Variants in ME3 observed in about 807,000 individuals in gnomAD.
ME3 encodes malic enzyme 3.
In ME3, 48 loss-of-function variants were observed where a neutral mutation model predicts 68.9. The observed-to-expected ratio is 0.70, with a 90% confidence interval of 0.55 to 0.89. ME3 has a LOEUF of 0.89. Ranked by LOEUF, ME3 falls within the 40% of genes least tolerant of loss-of-function variation. The probability of loss-of-function intolerance (pLI) is 0.00; values close to 1 mark genes in which losing one functional copy is unlikely to be tolerated. For missense variants in ME3, 675 were observed against 797.4 expected, an observed-to-expected ratio of 0.85 and a Z score of 1.85; for synonymous variants, 320 against 318.8, an observed-to-expected ratio of 1.00 and a Z score of -0.04.
chr11:86,617,382 G>A (rs759465877), intron 2 of ME3, among the ~76,000 whole-genome samples: 1 of 151,924 alleles, frequency 6.6e-6, no homozygotes, highest in Non-Finnish European at 1.5e-5. Context: ...ACTAAGTCTC[G>A]TTTAAAAGTT....
chr11:86,671,094 G>C (rs1343375594), intron 2 of ME3, among the ~76,000 whole-genome samples: 3 of 152,188 alleles, frequency 2.0e-5, no homozygotes, highest in Non-Finnish European at 4.4e-5. Context: ...CAAAGCATTG[G>C]AGATCTGGAT....
chr11:86,591,262 G>C (rs1260162473), intron 2 of ME3, among the ~76,000 whole-genome samples: 1 of 152,170 alleles, frequency 6.6e-6, no homozygotes, highest in African/African-American at 2.4e-5. Flanking sequence ...GCTTTATCTG[G>C]ATTTTCCACA....
At chr11:86,449,319 A>G (rs1430891675) in intron 10 of ME3, among the ~76,000 whole-genome samples, 1 of 152,240 alleles carries the variant, frequency 6.6e-6, no homozygotes, top group Non-Finnish European at 1.5e-5. Context: ...GCTTTCATTC[A>G]TGCCTCACAC....
intron 2 of ME3, among the ~76,000 whole-genome samples, chr11:86,656,192 G>A (rs1163639702): frequency 4.6e-5 from 7 of 151,406 alleles, no homozygotes; most frequent in African/African-American, 1.5e-4. Context: ...TCAGTGTGGC[G>A]ATTCCTCAGG....
chr11:86,533,726 T>C (rs1484943669), intron 4 of ME3, among the ~76,000 whole-genome samples: 1 of 152,142 alleles, frequency 6.6e-6, no homozygotes, highest in East Asian at 1.9e-4. Flanking sequence ...TGAACACAGA[T>C]ATAAAAATCT....
At chr11:86,511,427 A>G (rs1953517878) in intron 4 of ME3, among the ~76,000 whole-genome samples, 1 of 151,832 alleles carries the variant, frequency 6.6e-6, no homozygotes, top group Non-Finnish European at 1.5e-5. Flanking sequence ...CTACTTTGAA[A>G]CCGCCTTTGC....
At chr11:86,450,311 C>T (rs745883399) in exon 9 of ME3, 2 of 1,614,182 alleles carry the variant, frequency 1.2e-6, no homozygotes, top group Admixed American at 1.7e-5. Flanking sequence ...CTCGCCTGCA[C>T]CTTGGAAAAC....
intron 2 of ME3, among the ~76,000 whole-genome samples, chr11:86,563,949 T>C (rs892047872): frequency 6.6e-6 from 1 of 152,172 alleles, no homozygotes; most frequent in Non-Finnish European, 1.5e-5. Flanking sequence ...TGCTTCCACA[T>C]GGATTTTAGA....
intron 7 of ME3, among the ~76,000 whole-genome samples, chr11:86,469,601 C>T (rs1950673736): frequency 6.6e-6 from 1 of 152,226 alleles, no homozygotes; most frequent in Admixed American, 6.5e-5. Flanking sequence ...TTCTGCTTAT[C>T]TGTCCCCTTT....
At chr11:86,548,877 C>G (rs1166234202) in intron 4 of ME3, among the ~76,000 whole-genome samples, 2 of 152,216 alleles carry the variant, frequency 1.3e-5, no homozygotes, top group Non-Finnish European at 2.9e-5. Flanking sequence ...GAAATGTCTT[C>G]TACTCCTGCC....
intron 2 of ME3, among the ~76,000 whole-genome samples, chr11:86,596,805 G>C (rs1959551650): frequency 6.6e-6 from 1 of 152,102 alleles, no homozygotes; most frequent in Non-Finnish European, 1.5e-5. Context: ...ATATCACTTG[G>C]CTTCCCTTCT....
At chr11:86,460,046 C>T (rs929753655) in intron 8 of ME3, among the ~76,000 whole-genome samples, 8 of 152,244 alleles carry the variant, frequency 5.3e-5, no homozygotes, top group African/African-American at 1.9e-4. Context: ...CCCCTGTCCC[C>T]AGTGTGACCA....
At chr11:86,525,830 C>A (rs1347282333) in intron 4 of ME3, among the ~76,000 whole-genome samples, 2 of 148,362 alleles carry the variant, frequency 1.3e-5, no homozygotes, top group Admixed American at 6.7e-5. Context: ...CCATTGCACT[C>A]CAGCCTGGGC....
chr11:86,441,529 C>A, intron 14 of ME3, 89 bp from the exon 15 acceptor site: 1 of 1,286,482 alleles, frequency 7.8e-7, no homozygotes, highest in Non-Finnish European at 1.1e-6. Context: ...GAGGGGAATA[C>A]ACCTTAAGGA....
At chr11:86,453,575 A>T (rs967371451) in intron 8 of ME3, among the ~76,000 whole-genome samples, 1 of 152,198 alleles carries the variant, frequency 6.6e-6, no homozygotes, top group African/African-American at 2.4e-5. Context: ...TGCAAGGTAA[A>T]ATGTAGGACA....
intron 5 of ME3, among the ~76,000 whole-genome samples, chr11:86,507,782 G>A (rs653779): frequency 0.91 from 138,567 of 152,182 alleles, 63,289 homozygotes; most frequent in Non-Finnish European, 0.95. Flanking sequence ...CAGAAATTCA[G>A]GACCAGTCAG....
In ME3 at chr11:86,620,467, G is replaced by A. The variant is rs369804491; in HGVS notation, c.183+51295C>T. ...AGGGTCTACTCTTTTCTAATATGTT[G>A]TATACTGGGAACCCAGAGAATCAAC... is the stretch of plus-strand genomic sequence containing the variant. On this transcript the variant is annotated intron_variant, in intron 2 of 14. Coordinates refer to ENST00000543262, the Ensembl canonical transcript of ME3. Among the ~76,000 whole-genome samples, 14 of 152,262 alleles carry A rather than the reference G, an allele frequency of 9.2e-5. No individual in the cohort carries two copies. In the South Asian group the frequency reaches 2.9e-3, roughly 32 times the overall value.
intron 5 of ME3, among the ~76,000 whole-genome samples, chr11:86,501,667 G>A (rs569683591): frequency 3.3e-5 from 5 of 152,218 alleles, no homozygotes; most frequent in Admixed American, 1.3e-4. Context: ...CTCCTTTTGA[G>A]CCTTTTTACT....
At chr11:86,635,089 G>C (rs981917820) in intron 2 of ME3, among the ~76,000 whole-genome samples, 1 of 152,214 alleles carries the variant, frequency 6.6e-6, no homozygotes, top group Non-Finnish European at 1.5e-5. Flanking sequence ...TGGACCGTTT[G>C]AGCCCAGGAG....
Sources: gnomAD v4.1 joint callset for allele counts (sites outside exome capture counted in the v4.1 genomes callset) on GRCh38, gnomAD v4.1.1 for gene constraint, MANE v1.5 for transcripts, NCBI Gene and HGNC (gene_info 2026-07-23, HGNC 2026-07-21) for gene names.